Variants in PTBP3 observed in about 807,000 individuals in gnomAD.
The protein encoded by PTBP3 is polypyrimidine tract binding protein 3.
Under a neutral mutation model 58.7 loss-of-function variants are expected in PTBP3, and 20 were observed. The ratio of observed to expected loss-of-function variants is 0.34; its 90% CI spans 0.24 to 0.50. The LOEUF is 0.50. PTBP3 is among the 20% of genes least tolerant of loss of function. PTBP3 has a pLI of 0.98. For synonymous variants in PTBP3, 185 were observed against 219.8 expected (o/e 0.84, Z 1.40); for missense variants, 509 against 637.2 (o/e 0.80, Z 2.17).
intron 1 of PTBP3, among the ~76,000 whole-genome samples, chr9:112,316,459 A>T (rs1829706133): frequency 6.6e-6 from 1 of 152,196 alleles, no homozygotes. Context: ...GACTCCTGCC[A>T]ACAACCACAC....
the PTBP3 span, among the ~76,000 whole-genome samples, chr9:112,351,515 C>T: frequency 3.4e-4 from 52 of 152,270 alleles, no homozygotes; most frequent in East Asian, 9.8e-3. Context: ...ATATTGTACT[C>T]TTTGGAAAGA....
intron 4 of PTBP3, among the ~76,000 whole-genome samples, chr9:112,267,004 C>T (rs1836826384): frequency 6.6e-6 from 1 of 152,148 alleles, no homozygotes; most frequent in Admixed American, 6.5e-5. Flanking sequence ...GGATTATATG[C>T]AGTAAATGTC....
intron 1 of PTBP3, among the ~76,000 whole-genome samples, chr9:112,306,476 A>G (rs1263814509): frequency 6.6e-6 from 1 of 150,570 alleles, no homozygotes; most frequent in African/African-American, 2.4e-5. Flanking sequence ...AAAAAACACT[A>G]TTCTTAACCT....
chr9:112,221,246 T>C lies in PTBP3; in HGVS notation c.*2605A>G, dbSNP rs1388134289. ...GTATATACAACTTTAGAAGAGTGTA[T>C]TTATGTATATACACTTATCTACACA... On this transcript the variant is annotated 3_prime_UTR_variant, in exon 14 of 14. Coordinates refer to ENST00000374257, the MANE Select transcript of PTBP3 (RefSeq NM_001163788.4). 3 of 984,754 alleles carry C rather than the reference T, an allele frequency of 3.0e-6. No individual in the cohort carries two copies. In the African/African-American group the frequency reaches 5.2e-5, roughly 17 times the overall value. 61.0% of individuals were successfully genotyped at this position (984,754 alleles called of 1,614,324 possible).
chr9:112,277,838 T>C (rs897805375), intron 2 of PTBP3, among the ~76,000 whole-genome samples: 1 of 151,642 alleles, frequency 6.6e-6, no homozygotes, highest in African/African-American at 2.4e-5. Context: ...ATTGCACCAC[T>C]TGCACTCCCT....
chr9:112,364,821 A>G, the PTBP3 span, among the ~76,000 whole-genome samples: 1 of 152,210 alleles, frequency 6.6e-6, no homozygotes, highest in African/African-American at 2.4e-5. Flanking sequence ...GAAGCTCCAT[A>G]AAACAAGGCA....
At chr9:112,369,285 C>T in the PTBP3 span, among the ~76,000 whole-genome samples, 2 of 152,198 alleles carry the variant, frequency 1.3e-5, no homozygotes, top group African/African-American at 4.8e-5. Flanking sequence ...ACAGCTTGCA[C>T]CATGTACCTG....
intron 1 of PTBP3, among the ~76,000 whole-genome samples, chr9:112,327,284 G>A (rs1206800810): frequency 6.6e-6 from 1 of 152,072 alleles, no homozygotes; most frequent in Non-Finnish European, 1.5e-5. Context: ...ACATGAAGAA[G>A]GCCGGGCACA....
intron 1 of PTBP3, among the ~76,000 whole-genome samples, chr9:112,308,372 A>C (rs777700454): frequency 0.044 from 6,650 of 151,868 alleles, 250 homozygotes; most frequent in African/African-American, 0.07. Flanking sequence ...AAAAAAAAAA[A>C]AAAAAAAAAC....
chr9:112,290,699 TATATATATACACACACAC>T (rs1310757931), intron 2 of PTBP3, among the ~76,000 whole-genome samples: 79 of 64,600 alleles, frequency 1.2e-3, no homozygotes, highest in Admixed American at 1.8e-3. Flanking sequence ...TATATATATA[TATATATATACACACACAC>T]ACACACACAC....
At chr9:112,249,603 A>G (rs140471839) in intron 7 of PTBP3, among the ~76,000 whole-genome samples, 3 of 152,240 alleles carry the variant, frequency 2.0e-5, no homozygotes, top group African/African-American at 7.2e-5. Context: ...TGTAGACATT[A>G]TTTTGCAGTG....
chr9:112,285,938 T>C (rs1828095967), intron 2 of PTBP3, among the ~76,000 whole-genome samples: 1 of 152,256 alleles, frequency 6.6e-6, no homozygotes, highest in Admixed American at 6.5e-5. Context: ...GATTTATCTA[T>C]TTCTGTTTTG....
chr9:112,376,380 A>C, the PTBP3 span, among the ~76,000 whole-genome samples: 2 of 146,102 alleles, frequency 1.4e-5, no homozygotes, highest in Admixed American at 7.1e-5. Context: ...TAGCCTCCCG[A>C]GTAGCTGGGA....
At chr9:112,334,781 C>T (rs1031282965), upstream of PTBP3, among the ~76,000 whole-genome samples, 1 of 152,188 alleles carries the variant, frequency 6.6e-6, no homozygotes, top group Non-Finnish European at 1.5e-5. Flanking sequence ...GTGCCGGGCA[C>T]TGCATGAATA....
At chr9:112,253,774 C>T (rs1220822713) in intron 5 of PTBP3, among the ~76,000 whole-genome samples, 4 of 152,116 alleles carry the variant, frequency 2.6e-5, no homozygotes, top group African/African-American at 4.8e-5. Flanking sequence ...TCTCTCCTGC[C>T]ACCATGTGAA....
intron 5 of PTBP3, among the ~76,000 whole-genome samples, chr9:112,259,600 T>G (rs1836509117): frequency 6.6e-6 from 1 of 152,180 alleles, no homozygotes; most frequent in South Asian, 2.1e-4. Context: ...TTGCAAAGAC[T>G]TTCCCTAACT....
chr9:112,278,985 A>G (rs1827740972), intron 2 of PTBP3, among the ~76,000 whole-genome samples: 1 of 152,128 alleles, frequency 6.6e-6, no homozygotes, highest in Non-Finnish European at 1.5e-5. Context: ...TTTGCACTTG[A>G]TGTCCTTATT....
chr9:112,271,746 A>AAAAAAG (rs529811449), intron 3 of PTBP3, among the ~76,000 whole-genome samples: 1 of 152,228 alleles, frequency 6.6e-6, no homozygotes, highest in East Asian at 1.9e-4. Flanking sequence ...CAAGAAAGAA[A>AAAAAAG]AAAAAGAAAA....
At chr9:112,359,134 C>T in the PTBP3 span, among the ~76,000 whole-genome samples, 1 of 152,088 alleles carries the variant, frequency 6.6e-6, no homozygotes, top group Non-Finnish European at 1.5e-5. Context: ...TGCACCTGAC[C>T]GCATCTACTT....
Sources: allele counts gnomAD v4.1 joint callset (sites outside exome capture counted in the v4.1 genomes callset), GRCh38; gene constraint gnomAD v4.1.1; transcripts MANE v1.5; gene names NCBI Gene and HGNC (gene_info 2026-07-23, HGNC 2026-07-21).